LTBP2: variants seen among roughly 807,000 people sequenced by gnomAD.
LTBP2 encodes the protein latent transforming growth factor beta binding protein 2.
Under a neutral mutation model 210.6 loss-of-function variants are expected in LTBP2, and 103 were observed. The observed-to-expected ratio is 0.49, with a 90% CI of 0.42 to 0.58. LTBP2 has a LOEUF of 0.58. Among genes scored for constraint, LTBP2 ranks in the 20% least tolerant of loss-of-function variants. LTBP2 has a pLI of 0.00. For synonymous variants in LTBP2, 1,007 were observed against 1,015.0 expected (o/e 0.99, Z 0.15); for missense variants, 2,313 against 2,494.5 (o/e 0.93, Z 1.55).
intron 8 of LTBP2, among the ~76,000 whole-genome samples, chr14:74,548,876 T>C (rs191720531): frequency 4.2e-4 from 64 of 152,352 alleles, no homozygotes; most frequent in African/African-American, 1.5e-3. Flanking sequence ...GTACGTAGTA[T>C]GTGTTAGACA....
chr14:74,507,564 C>G (rs149117362), intron 25 of LTBP2, among the ~76,000 whole-genome samples: 71 of 152,318 alleles, frequency 4.7e-4, no homozygotes, highest in African/African-American at 1.6e-3. Context: ...CTCCACTGCC[C>G]CCATCTGTCT....
chr14:74,523,281 C>T (rs1206097515), intron 15 of LTBP2, among the ~76,000 whole-genome samples: 1 of 152,152 alleles, frequency 6.6e-6, no homozygotes, highest in Non-Finnish European at 1.5e-5. Context: ...AACTCCTGCC[C>T]AGTTTTCCCT....
Position 74,522,924 on chromosome 14 carries a change from G to C in LTBP2, c.2531-6C>G, listed in dbSNP as rs1236467751. 1 of 1,610,836 alleles carries C rather than the reference G, an allele frequency of 6.2e-7. No individual in the cohort carries two copies. Among genetic ancestry groups the C allele is most frequent in the Non-Finnish European group, 8.5e-7 (1 of 1,179,144 alleles). ...AGCAGCGCATCTGTCAATGCCTGTGGGAGACAGAGCAAAACAGAGGTTATG... is the reference window on the plus strand; with the variant it reads ...AGCAGCGCATCTGTCAATGCCTGTGCGAGACAGAGCAAAACAGAGGTTATG... On this transcript the variant is annotated splice_region_variant and splice_polypyrimidine_tract_variant and intron_variant, in intron 15 of 35. Coordinates refer to ENST00000261978, the MANE Select transcript of LTBP2 (RefSeq NM_000428.3).
intron 26 of LTBP2, 63 bp from the exon 27 acceptor site, chr14:74,506,886 CGCGTGTGT>C: frequency 1.3e-6 from 2 of 1,575,644 alleles, no homozygotes; most frequent in East Asian, 2.3e-5. Flanking sequence ...TGTGCGCGCG[CGCGTGTGT>C]GCTCACTCTC....
chr14:74,501,745 G>T, intron 34 of LTBP2, 155 bp from the exon 35 acceptor site: 1 of 881,418 alleles, frequency 1.1e-6, no homozygotes, highest in Non-Finnish European at 1.7e-6. Flanking sequence ...AAAGATGCTA[G>T]AACAAAAGGC....
intron 6 of LTBP2, 39 bp downstream of exon 6, chr14:74,552,148 C>T: frequency 1.3e-6 from 2 of 1,550,456 alleles, no homozygotes; most frequent in Non-Finnish European, 1.7e-6. Flanking sequence ...ACTGGCACTC[C>T]TCCCAGGGTC....
chr14:74,537,880 G>A (rs1051524753), intron 8 of LTBP2, among the ~76,000 whole-genome samples: 5 of 152,154 alleles, frequency 3.3e-5, no homozygotes, highest in African/African-American at 9.6e-5. Flanking sequence ...TCAGCCTCCC[G>A]AGTAGCTGGG....
At chr14:74,536,716 C>T (rs1037361347) in intron 8 of LTBP2, among the ~76,000 whole-genome samples, 5 of 152,168 alleles carry the variant, frequency 3.3e-5, no homozygotes, top group African/African-American at 1.2e-4. Flanking sequence ...CATGGCAGCA[C>T]ATGCCTGTAA....
chr14:74,562,124 T>A lies in LTBP2; in HGVS notation c.831-6431A>T, dbSNP rs375336777. The stretch of plus-strand genomic sequence containing the variant: ...ACTTTGGAGGCTGAGGCAGGAGAAT[T>A]ACTTGAACCTGGGAGGTGGAGGTTG... On this transcript the variant is annotated intron_variant, in intron 3 of 35. Transcript: ENST00000261978. 2.0e-5 allele frequency among the ~76,000 whole-genome samples: 3 copies of A among 151,734 alleles called. No homozygotes were observed. The East Asian group carries it at 5.8e-4, about 29-fold the overall frequency.
intron 2 of LTBP2, among the ~76,000 whole-genome samples, chr14:74,587,771 G>A (rs1049872113): frequency 6.6e-6 from 1 of 152,148 alleles, no homozygotes; most frequent in African/African-American, 2.4e-5. Flanking sequence ...TCTCCTTTCT[G>A]AGAAGAGTAC....
chr14:74,533,894 G>A (rs2087384347), intron 9 of LTBP2, among the ~76,000 whole-genome samples: 1 of 152,336 alleles, frequency 6.6e-6, no homozygotes. Flanking sequence ...CAGCAGAGAT[G>A]ATAAGCATTA....
chr14:74,606,857 CA>C lies in LTBP2; in HGVS notation c.495-3153del, dbSNP rs981249566. On this transcript the variant is annotated intron_variant, in intron 1 of 35. Transcript: ENST00000261978. Reference sequence around the variant, plus strand: ...ACTCCATCTCAAAAAACAAAACAAACAAAAAAAAAAAACCCACCTCCTCTGA... The same window carrying C: ...ACTCCATCTCAAAAAACAAAACAAACAAAAAAAAAAACCCACCTCCTCTGA... 2.7e-3 allele frequency among the ~76,000 whole-genome samples: 381 copies of C among 143,272 alleles called. 5 individuals are homozygous for C. The highest frequency in any genetic ancestry group is 0.023 in the Middle Eastern group (6 of 256). 94.0% of individuals were successfully genotyped at this position (143,272 alleles called of 152,430 possible).
chr14:74,507,333 A>T, intron 25 of LTBP2, 23 bp from the exon 26 acceptor site: 1 of 1,613,652 alleles, frequency 6.2e-7, no homozygotes, highest in East Asian at 2.2e-5. Context: ...CCATGCCATG[A>T]GAGAGGACAG....
intron 14 of LTBP2, 106 bp downstream of exon 14, chr14:74,525,967 ATG>A (rs939252581): frequency 2.1e-5 from 25 of 1,175,656 alleles, no homozygotes; most frequent in Non-Finnish European, 3.1e-5. Context: ...CCCTCCTCTG[ATG>A]TGTGTGTGAG....
In LTBP2 at chr14:74,506,168, G is replaced by T. The variant is rs768334156; in HGVS notation, c.4057C>A (p.Leu1353Met). ...CVDVNECELM[L>M]AVCGAALCEN... ...CAGAGCGCGGCCCCACATACCGCCA[G>T]CATAAGCTCACACTCGTTCACATCT... The change falls in exon 28 of 36, where the codon CTG becomes ATG. Residue 1353 changes from leucine to methionine, a missense_variant. By Grantham distance (15) the Leu-to-Met change is conservative. Around this residue, in one of 3 missense-constraint regions of LTBP2, gnomAD observed 1,867 missense variants for 1,976.9 expected, o/e 0.94. Coordinates refer to ENST00000261978, the MANE Select transcript of LTBP2 (RefSeq NM_000428.3). The T allele has an allele frequency of 3.1e-6, 5 of 1,614,042 alleles. No homozygotes were observed. In the Middle Eastern group the frequency reaches 5.0e-4, roughly 160 times the overall value.
chr14:74,501,680 G>C, intron 34 of LTBP2, 90 bp from the exon 35 acceptor site: 3 of 1,554,322 alleles, frequency 1.9e-6, no homozygotes, highest in Non-Finnish European at 2.6e-6. Flanking sequence ...TGGACAAAGG[G>C]TGCCCCTGTG....
chr14:74,528,467 C>T lies in LTBP2; in HGVS notation c.2368+16G>A. On this transcript the variant is annotated intron_variant, in intron 12 of 35. Transcript: ENST00000261978. ...GGAAAGGAAAATCCCTCAGGCATCT[C>T]CCCCAGCTCAGATACCCTTGTCAGG... 1 of 1,611,354 alleles carries T rather than the reference C, an allele frequency of 6.2e-7. No homozygotes were observed. Among genetic ancestry groups the T allele is most frequent in the Non-Finnish European group, 8.5e-7 (1 of 1,179,694 alleles).
chr14:74,528,212 G>A (rs965905988), intron 12 of LTBP2, among the ~76,000 whole-genome samples: 2 of 152,206 alleles, frequency 1.3e-5, no homozygotes, highest in South Asian at 2.1e-4. Context: ...AGGCCTGATC[G>A]CTGGGGTGGG....
chr14:74,586,028 T>C lies in LTBP2; in HGVS notation c.656A>G (p.Glu219Gly). 1 of 1,604,622 alleles carries C rather than the reference T, an allele frequency of 6.2e-7. No individual in the cohort carries two copies. The highest frequency in any genetic ancestry group is 1.3e-5 in the African/African-American group (1 of 74,912). The change falls in exon 3 of 36, where the codon GAG becomes GGG. Residue 219 changes from glutamate (E) to glycine (G), a missense_variant. Glu to Gly is a moderately conservative substitution (Grantham distance 98, BLOSUM62 -2). This residue lies in a region of LTBP2 where 1,867 missense variants were observed against 1,976.9 expected (regional missense o/e 0.94). Transcript: ENST00000261978. This position sits in a 1 kb window ranked among gnomAD's most constrained non-coding sequence, Gnocchi z 4.6. ...AAATTCCTCATCGGGAATGACCTCC[T>C]CGCAGCGGGCTCCACGGAAACCAGA... ...CRSGFRGARC[E>G]EVIPDEEFDP...
Sources: allele counts gnomAD v4.1 joint callset (sites outside exome capture counted in the v4.1 genomes callset), GRCh38; gene constraint gnomAD v4.1.1; regional missense constraint gnomAD v4.1.1; non-coding constraint Gnocchi (gnomAD v3.1); transcripts MANE v1.5; gene names NCBI Gene and HGNC (gene_info 2026-07-23, HGNC 2026-07-21).